COA1: variants seen among roughly 807,000 people sequenced by gnomAD.
The protein encoded by COA1 is cytochrome c oxidase assembly factor 1 homolog.
COA1 carries 13 observed loss-of-function variants against 16.0 expected under a neutral mutation model. The observed-to-expected ratio is 0.81, with a 90% confidence interval of 0.53 to 1.29. COA1 has a LOEUF of 1.29. Among genes scored for constraint, COA1 ranks in the 50% most tolerant of loss-of-function variants. The pLI is 0.00. For missense variants in COA1, 179 were observed against 177.0 expected, an observed-to-expected ratio of 1.01 and a Z score of -0.06; for synonymous variants, 65 against 65.7, an observed-to-expected ratio of 0.99 and a Z score of 0.05.
At chr7:43,624,895 A>ATT in intron 6 of COA1, 1 of 1,466,430 alleles carries the variant, frequency 6.8e-7, no homozygotes, top group Non-Finnish European at 9.2e-7. Context: ...TGTTAATATT[A>ATT]TTTATGGACC....
At chr7:43,643,754 G>C (rs925742401) in intron 4 of COA1, among the ~76,000 whole-genome samples, 8 of 152,150 alleles carry the variant, frequency 5.3e-5, no homozygotes, top group South Asian at 2.1e-4. Context: ...CTCTCCTAAA[G>C]ATGGCTCCCC....
intron 1 of COA1, among the ~76,000 whole-genome samples, chr7:43,663,175 C>T (rs1315152555): frequency 6.6e-6 from 1 of 152,194 alleles, no homozygotes; most frequent in Non-Finnish European, 1.5e-5. Context: ...TCTCTCGCTC[C>T]TGCTCTTGCC....
At chr7:43,622,448 T>A (rs373140245) in intron 6 of COA1, 3 of 152,314 alleles carry the variant, frequency 2.0e-5, no homozygotes, top group South Asian at 2.1e-4. Context: ...TTCCTTTTTT[T>A]AATTGTAATT....
At chr7:43,717,742 C>A (rs893509840) in intron 1 of COA1, among the ~76,000 whole-genome samples, 3 of 152,168 alleles carry the variant, frequency 2.0e-5, no homozygotes, top group Admixed American at 6.5e-5. Context: ...CAAATCTCAT[C>A]TTGAATTGTA....
chr7:43,681,202 C>G (rs1280132100), intron 1 of COA1, among the ~76,000 whole-genome samples: 1 of 152,176 alleles, frequency 6.6e-6, no homozygotes, highest in Non-Finnish European at 1.5e-5. Context: ...AGGATTGACT[C>G]CATTTTCTGC....
At position 43,685,847 on chromosome 7, in the gene COA1, C is replaced by T. The variant is rs183952988; in HGVS notation, c.-38-37195G>A. Among the ~76,000 whole-genome samples, 451 of 152,258 alleles carry T rather than the reference C, an allele frequency of 3.0e-3. 3 individuals carry two copies. The highest frequency in any genetic ancestry group is 0.017 in the Middle Eastern group (5 of 294). ...AATACCTCCCCATTAAGAGTTCCTC[C>T]AAACACTACTGTAAACACCTCAAAG... On this transcript the variant is annotated intron_variant, in intron 1 of 5. Coordinates refer to ENST00000223336, the MANE Select transcript of COA1 (RefSeq NM_018224.4).
intron 1 of COA1, among the ~76,000 whole-genome samples, chr7:43,712,714 A>C (rs938531405): frequency 6.6e-6 from 1 of 152,132 alleles, no homozygotes; most frequent in Non-Finnish European, 1.5e-5. Context: ...TCTGCAACTC[A>C]ACTGTATAAA....
intron 1 of COA1, among the ~76,000 whole-genome samples, chr7:43,671,875 G>A (rs930860717): frequency 6.6e-6 from 1 of 152,080 alleles, no homozygotes; most frequent in African/African-American, 2.4e-5. Context: ...CTGCTGCCCT[G>A]TGAAGAAGTG....
rs370608707 is a variant in COA1, at chr7:43,715,389, A to T, written c.-39+14040T>A. Among the ~76,000 whole-genome samples, 43 of 151,662 alleles carry T rather than the reference A, an allele frequency of 2.8e-4. No homozygotes were observed. In the South Asian group the frequency reaches 8.8e-3, roughly 31 times the overall value. ...GCTACTCGGAAGGCTGAGGCAGGAG[A>T]ATGGCGTGAACCCGGGAGGCAGACG... On this transcript the variant is annotated intron_variant, in intron 1 of 5. Transcript: ENST00000223336.
chr7:43,683,383 AGCACTTTGGGT>A (rs2093860111), intron 1 of COA1, among the ~76,000 whole-genome samples: 1 of 152,144 alleles, frequency 6.6e-6, no homozygotes, highest in Non-Finnish European at 1.5e-5. Context: ...CTGTAATCGC[AGCACTTTGGGT>A]GGCCGAGGCA....
intron 4 of COA1, among the ~76,000 whole-genome samples, chr7:43,643,731 T>G (rs955416139): frequency 2.0e-5 from 3 of 152,230 alleles, no homozygotes; most frequent in South Asian, 2.1e-4. Flanking sequence ...TGCACACCAG[T>G]GTGGCCACAT....
At chr7:43,712,837 T>A (rs1005001564) in intron 1 of COA1, among the ~76,000 whole-genome samples, 1 of 152,220 alleles carries the variant, frequency 6.6e-6, no homozygotes, top group Admixed American at 6.5e-5. Flanking sequence ...TCCACTATCA[T>A]GTTTTAAACT....
At chr7:43,686,376 C>T (rs983216152) in intron 1 of COA1, among the ~76,000 whole-genome samples, 43 of 150,280 alleles carry the variant, frequency 2.9e-4, no homozygotes, top group African/African-American at 1.0e-3. Flanking sequence ...GCGCGATCTC[C>T]GCTCACTGCA....
downstream of COA1, among the ~76,000 whole-genome samples, chr7:43,635,702 T>TATC (rs575799717): frequency 1.5e-4 from 23 of 152,282 alleles, 1 homozygote; most frequent in South Asian, 4.8e-3. Context: ...TACCACTACA[T>TATC]ATCACTGGAC....
At chr7:43,632,048 CCT>C (rs2085230355) in intron 6 of COA1, 1 of 152,248 alleles carries the variant, frequency 6.6e-6, no homozygotes, top group Non-Finnish European at 1.5e-5. Flanking sequence ...ATGAGAGATT[CCT>C]CTGTGGCATG....
intron 1 of COA1, among the ~76,000 whole-genome samples, chr7:43,654,662 C>G (rs911407905): frequency 6.6e-6 from 1 of 152,026 alleles, no homozygotes; most frequent in Non-Finnish European, 1.5e-5. Context: ...GATTTAGAAA[C>G]TAAGATCTGT....
intron 6 of COA1, chr7:43,626,714 C>G (rs1029787443): frequency 1.3e-5 from 2 of 152,170 alleles, no homozygotes; most frequent in African/African-American, 4.8e-5. Context: ...GATCTGTCAT[C>G]AAGTTTTAAA....
chr7:43,669,645 G>A (rs1207774599), intron 1 of COA1, among the ~76,000 whole-genome samples: 2 of 151,926 alleles, frequency 1.3e-5, no homozygotes, highest in South Asian at 4.1e-4. Flanking sequence ...CTTTTCTGAC[G>A]CACACAGGGT....
At chr7:43,659,912 AG>A (rs1429145055) in intron 1 of COA1, among the ~76,000 whole-genome samples, 1 of 152,198 alleles carries the variant, frequency 6.6e-6, no homozygotes, top group Non-Finnish European at 1.5e-5. Flanking sequence ...TGAGATTTTC[AG>A]GGTGCATCTT....
Sources: gnomAD v4.1 joint callset for allele counts (sites outside exome capture counted in the v4.1 genomes callset) on GRCh38, gnomAD v4.1.1 for gene constraint, MANE v1.5 for transcripts, NCBI Gene and HGNC (gene_info 2026-07-23, HGNC 2026-07-21) for gene names.